NFIX: variants seen among roughly 807,000 people sequenced by gnomAD.
NFIX encodes nuclear factor I X, also known as nuclear factor 1 X-type.
In NFIX, 2 loss-of-function variants were observed where a neutral mutation model predicts 53.3. The observed-to-expected ratio is 0.04, with a 90% CI of 0.02 to 0.12. The LOEUF is 0.12. Ranked by LOEUF, NFIX falls within the 10% of genes least tolerant of loss-of-function variation. The probability of loss-of-function intolerance (pLI) is 1.00; values close to 1 mark genes in which losing one functional copy is unlikely to be tolerated. For missense variants in NFIX, 310 were observed against 674.5 expected (o/e 0.46, Z 5.99); for synonymous variants, 244 against 289.0 (o/e 0.84, Z 1.58).
intron 2 of NFIX, among the ~76,000 whole-genome samples, chr19:13,038,568 T>A (rs574108590): frequency 6.6e-6 from 1 of 152,252 alleles, no homozygotes; most frequent in African/African-American, 2.4e-5. Flanking sequence ...AGGTTCTAAG[T>A]GTTCTCATGT....
rs1040556560 is a variant in NFIX, at chr19:13,056,551, C to T, written c.560-16496C>T. Among the ~76,000 whole-genome samples the T allele has an allele frequency of 3.3e-5, 5 of 152,242 alleles. No individual in the cohort carries two copies. In the East Asian group the frequency reaches 9.7e-4, roughly 29 times the overall value. On this transcript the variant is annotated intron_variant, in intron 2 of 10. Transcript: ENST00000592199. The stretch of plus-strand genomic sequence containing the variant: ...AAGATCCTGCGTGGAGTCCCGCCTT[C>T]TAGGATGCTTCATTTGAAATTCGGC...
At chr19:13,010,756 G>C (rs2012295622) in intron 1 of NFIX, among the ~76,000 whole-genome samples, 1 of 152,176 alleles carries the variant, frequency 6.6e-6, no homozygotes, top group Admixed American at 6.5e-5. Flanking sequence ...GCCTGCACAC[G>C]CGTGTTTCAC....
rs1489633449 is a variant in NFIX at position 13,081,900 on chromosome 19, A to T, written c.1254+45A>T. 5 of 1,603,160 alleles carry T rather than the reference A, an allele frequency of 3.1e-6. No homozygotes were observed. The highest frequency in any genetic ancestry group is 4.3e-6 in the Non-Finnish European group (5 of 1,173,318). On this transcript the variant is annotated intron_variant, in intron 8 of 10. Transcript: ENST00000592199. The surrounding 1 kb of genome is among the most constrained non-coding windows in gnomAD (Gnocchi z 4.7). ...GGAGCCCGGCTACAGCCTCATCTCC[A>T]CATCTATCTGTCTGTCTCAGGGCTC...
intron 2 of NFIX, among the ~76,000 whole-genome samples, chr19:13,026,511 T>C (rs2013364117): frequency 6.6e-6 from 1 of 152,216 alleles, no homozygotes; most frequent in East Asian, 1.9e-4. Flanking sequence ...TGTTCCTTTT[T>C]TCCCTTACCC....
chr19:13,076,251 G>A (rs2017094842), intron 6 of NFIX, among the ~76,000 whole-genome samples: 1 of 152,210 alleles, frequency 6.6e-6, no homozygotes. Flanking sequence ...GAGGCTCAGA[G>A]TCTAGTGAAG....
intron 2 of NFIX, among the ~76,000 whole-genome samples, chr19:13,058,050 C>T (rs1599806458): frequency 6.6e-6 from 1 of 152,128 alleles, no homozygotes; most frequent in South Asian, 2.1e-4. Context: ...TGGCCCCACC[C>T]CCAGGACAGT....
chr19:13,097,816 C>G lies in NFIX; in HGVS notation c.*3167C>G, dbSNP rs987810159. 61 of 152,568 alleles carry G rather than the reference C, an allele frequency of 4.0e-4. No individual in the cohort carries two copies. Among genetic ancestry groups the G allele is most frequent in the Non-Finnish European group, 2.9e-5 (2 of 68,040 alleles). 9.5% of individuals were successfully genotyped at this position (152,568 alleles called of 1,614,324 possible). A position where few individuals can be genotyped will look rare whatever the true frequency, so the allele number is the denominator to read the frequency against. On this transcript the variant is annotated 3_prime_UTR_variant, in exon 11 of 11. Transcript: ENST00000592199. Reference sequence around the variant, plus strand: ...CAGCAAGTTGGTAGTTTCCTCCCCCCTTTCCCGGCGCCCCTCCCGCCCCCA... The same window carrying G: ...CAGCAAGTTGGTAGTTTCCTCCCCCGTTTCCCGGCGCCCCTCCCGCCCCCA...
At chr19:13,026,646 G>A (rs575515480) in intron 2 of NFIX, among the ~76,000 whole-genome samples, 2 of 152,202 alleles carry the variant, frequency 1.3e-5, no homozygotes, top group South Asian at 2.1e-4. Flanking sequence ...CTAAACGGGC[G>A]GCACTCTGTG....
rs574041222 is a variant in NFIX, at chr19:13,080,805, T to C, written c.1079-875T>C. ...CACAAGGTCAGGAGATCGAGACCAT[T>C]CTGGCTAACACGGTGAAACCCTGTC... On this transcript the variant is annotated intron_variant, in intron 7 of 10. Coordinates refer to ENST00000592199, the MANE Select transcript of NFIX (RefSeq NM_001365902.3). Among the ~76,000 whole-genome samples the C allele has an allele frequency of 8.1e-5, 12 of 148,552 alleles. 1 individual carries two copies. The South Asian group carries it at 8.5e-4, about 11-fold the overall frequency.
At chr19:13,017,811 C>T (rs930856457) in intron 1 of NFIX, among the ~76,000 whole-genome samples, 5 of 152,226 alleles carry the variant, frequency 3.3e-5, no homozygotes, top group African/African-American at 1.2e-4. Context: ...GTCACTTTTT[C>T]AGTTCTTCTT....
rs574495557 is a variant in NFIX at position 13,006,860 on chromosome 19, G to T, written c.27+10996G>T. Among the ~76,000 whole-genome samples, 1 of 152,164 alleles carries T rather than the reference G, an allele frequency of 6.6e-6. No individual in the cohort carries two copies. The highest frequency in any genetic ancestry group is 2.4e-5 in the African/African-American group (1 of 41,436). On this transcript the variant is annotated intron_variant, in intron 1 of 10. Coordinates refer to ENST00000592199, the MANE Select transcript of NFIX (RefSeq NM_001365902.3). The surrounding 1 kb of genome is among the most constrained non-coding windows in gnomAD (Gnocchi z 5.6). ...CCAGCCTGGTGGCATTTGGTTTGGC[G>T]CCCTGCCTGCCTGCCACCCCCACCC...
chr19:13,015,196 C>CT (rs141097445), intron 1 of NFIX, among the ~76,000 whole-genome samples: 25 of 150,490 alleles, frequency 1.7e-4, no homozygotes, highest in Non-Finnish European at 3.0e-4. Flanking sequence ...TAAGCAGAAA[C>CT]TTTTTTTTTT....
intron 2 of NFIX, among the ~76,000 whole-genome samples, chr19:13,029,696 T>A (rs2013649055): frequency 6.6e-6 from 1 of 152,214 alleles, no homozygotes; most frequent in African/African-American, 2.4e-5. Context: ...CCGGGACAGC[T>A]GAGCTTAGCC....
At chr19:13,092,089 G>A (rs2018178887) in intron 10 of NFIX, among the ~76,000 whole-genome samples, 1 of 152,162 alleles carries the variant, frequency 6.6e-6, no homozygotes, top group African/African-American at 2.4e-5. Context: ...GAGCCCTCGG[G>A]CCTGGGGGCA....
rs2012439294 is a variant in NFIX, at chr19:13,012,860, C to G, written c.28-12161C>G. Among the ~76,000 whole-genome samples the G allele has an allele frequency of 6.6e-6, 1 of 152,160 alleles. No individual in the cohort carries two copies. Among genetic ancestry groups the G allele is most frequent in the Non-Finnish European group, 1.5e-5 (1 of 68,024 alleles). On this transcript the variant is annotated intron_variant, in intron 1 of 10. Coordinates refer to ENST00000592199, the MANE Select transcript of NFIX (RefSeq NM_001365902.3). The surrounding 1 kb of genome is among the most constrained non-coding windows in gnomAD (Gnocchi z 5.0). ...TAGACTACCCCGGTTTCCGAGGAGC[C>G]TCACCTTCAATCCCCGAGCCTTCTC...
chr19:13,086,821 C>T (rs1044480955), intron 8 of NFIX, among the ~76,000 whole-genome samples: 8 of 152,332 alleles, frequency 5.3e-5, no homozygotes, highest in Admixed American at 4.6e-4. Flanking sequence ...GCCCCATACA[C>T]CAGCTCATTG....
At chr19:12,997,179 C>G (rs531615706) in intron 1 of NFIX, among the ~76,000 whole-genome samples, 2 of 152,246 alleles carry the variant, frequency 1.3e-5, no homozygotes, top group Non-Finnish European at 2.9e-5. Context: ...TGTCTGGGTC[C>G]TACCGGGAGT....
At chr19:13,008,834 G>T (rs182231066) in intron 1 of NFIX, among the ~76,000 whole-genome samples, 1 of 152,256 alleles carries the variant, frequency 6.6e-6, no homozygotes, top group African/African-American at 2.4e-5. Context: ...TCTGTCACAG[G>T]GTCCTCTGAG....
At chr19:13,029,043 C>T (rs2013593235) in intron 2 of NFIX, among the ~76,000 whole-genome samples, 1 of 152,212 alleles carries the variant, frequency 6.6e-6, no homozygotes, top group Non-Finnish European at 1.5e-5. Context: ...CCCACGAAGT[C>T]CAGGTATTTG....
Sources: allele counts gnomAD v4.1 joint callset (sites outside exome capture counted in the v4.1 genomes callset), GRCh38; gene constraint gnomAD v4.1.1; non-coding constraint Gnocchi (gnomAD v3.1); transcripts MANE v1.5; gene names NCBI Gene and HGNC (gene_info 2026-07-23, HGNC 2026-07-21).